Variants in ULK4 observed in about 807,000 individuals in gnomAD.
ULK4 encodes the protein unc-51 like kinase 4, also known as inactive serine/threonine-protein kinase ULK4.
ULK4 carries 133 observed loss-of-function variants against 160.6 expected under a neutral mutation model. The ratio of observed to expected loss-of-function variants is 0.83; its 90% CI spans 0.72 to 0.96. ULK4 has a LOEUF of 0.96. ULK4 is among the 40% of genes least tolerant of loss of function. ULK4 has a pLI of 0.00. For synonymous variants in ULK4, 534 were observed against 539.8 expected (o/e 0.99, Z 0.15); for missense variants, 1,580 against 1,499.5 (o/e 1.05, Z -0.89).
At chr3:41,362,879 A>C (rs2081175204) in intron 35 of ULK4, among the ~76,000 whole-genome samples, 2 of 152,230 alleles carry the variant, frequency 1.3e-5, no homozygotes, top group Non-Finnish European at 2.9e-5. Flanking sequence ...ACAGCTCAGA[A>C]GCTCAGGAGA....
At chr3:41,960,042 T>G (rs1700617150) in intron 1 of ULK4, among the ~76,000 whole-genome samples, 1 of 56,428 alleles carries the variant, frequency 1.8e-5, no homozygotes, top group Non-Finnish European at 5.2e-5. Flanking sequence ...AGTAAAATCT[T>G]GATTTTTTTT....
chr3:41,485,159 C>T lies in ULK4; in HGVS notation c.3227-21906G>A, dbSNP rs1575291444. Among the ~76,000 whole-genome samples, 5 of 152,258 alleles carry T rather than the reference C, an allele frequency of 3.3e-5. No individual in the cohort carries two copies. The South Asian group carries it at 1.0e-3, about 32-fold the overall frequency. On this transcript the variant is annotated intron_variant, in intron 32 of 36. Coordinates refer to ENST00000301831, the MANE Select transcript of ULK4 (RefSeq NM_017886.4). ...AGACTCAGGAGGTTAAGTAACTTTCCCAAGACCATGTGGCTCCATGGTCTG... is the reference window on the plus strand; with the variant it reads ...AGACTCAGGAGGTTAAGTAACTTTCTCAAGACCATGTGGCTCCATGGTCTG...
chr3:41,677,688 T>C (rs1246913844), intron 29 of ULK4, among the ~76,000 whole-genome samples: 1 of 152,182 alleles, frequency 6.6e-6, no homozygotes, highest in Non-Finnish European at 1.5e-5. Context: ...AATGATTCTT[T>C]GATATTAATT....
intron 32 of ULK4, among the ~76,000 whole-genome samples, chr3:41,555,104 A>G (rs558071485): frequency 4.6e-5 from 7 of 152,272 alleles, no homozygotes; most frequent in Non-Finnish European, 8.8e-5. Flanking sequence ...ATGAAGCACA[A>G]AGAATTAATA....
chr3:41,840,789 C>A (rs1343142725), intron 17 of ULK4, among the ~76,000 whole-genome samples: 1 of 152,152 alleles, frequency 6.6e-6, no homozygotes, highest in Non-Finnish European at 1.5e-5. Context: ...CTCTGCCCGG[C>A]TGCCACTCCA....
intron 21 of ULK4, among the ~76,000 whole-genome samples, chr3:41,781,646 A>G (rs1410806596): frequency 6.6e-6 from 1 of 152,344 alleles, no homozygotes; most frequent in African/African-American, 2.4e-5. Context: ...AAATGAAACA[A>G]AACTGGCCAT....
chr3:41,347,100 G>A (rs1364440156), intron 35 of ULK4, among the ~76,000 whole-genome samples: 1 of 151,972 alleles, frequency 6.6e-6, no homozygotes, highest in Non-Finnish European at 1.5e-5. Flanking sequence ...GGATTCATAA[G>A]TAAAGATTTA....
At chr3:41,550,200 G>T (rs6806684) in intron 32 of ULK4, among the ~76,000 whole-genome samples, 1 of 151,476 alleles carries the variant, frequency 6.6e-6, no homozygotes, top group Non-Finnish European at 1.5e-5. Context: ...TATTAACTAC[G>T]GTAAACAATA....
At chr3:41,267,685 GA>G (rs2079067432) in intron 35 of ULK4, among the ~76,000 whole-genome samples, 1 of 152,230 alleles carries the variant, frequency 6.6e-6, no homozygotes, top group African/African-American at 2.4e-5. Context: ...ATGACTCTTA[GA>G]GCCTAATTTG....
chr3:41,409,274 T>C (rs1031054293), intron 34 of ULK4, among the ~76,000 whole-genome samples: 5 of 151,998 alleles, frequency 3.3e-5, no homozygotes, highest in Non-Finnish European at 5.9e-5. Context: ...ACATAAATAA[T>C]GTATAAAACT....
intron 19 of ULK4, among the ~76,000 whole-genome samples, chr3:41,800,913 A>C (rs895824257): frequency 6.6e-6 from 1 of 152,188 alleles, no homozygotes; most frequent in African/African-American, 2.4e-5. Context: ...AAAAGCCCAG[A>C]AGTACTTACA....
In ULK4 at chr3:41,455,578, T is replaced by C. The variant is rs142834126; in HGVS notation, c.3411A>G (p.Ser1137=). 1,289 of 1,613,916 alleles carry C rather than the reference T, an allele frequency of 8.0e-4. 8 individuals carry two copies. The African/African-American group carries it at 0.016, about 19-fold the overall frequency. Residue 1137 remains serine, a synonymous_variant, in exon 34 of 37, where the codon TCA becomes TCG. Coordinates refer to ENST00000301831, the MANE Select transcript of ULK4 (RefSeq NM_017886.4). ...RLALQAQKSG[S]GEDPQAAEDL... is the part of the protein sequence containing the mutation. ...CTTCTGCAGCCTGAGGGTCCTCTCC[T>C]GAGCCAGACTTCTGGGCCTGGAACA... is the stretch of plus-strand genomic sequence containing the variant.
chr3:41,490,357 C>T (rs1000534256), intron 32 of ULK4, among the ~76,000 whole-genome samples: 10 of 152,214 alleles, frequency 6.6e-5, no homozygotes, highest in Admixed American at 2.6e-4. Context: ...CACAGACCCA[C>T]ACTTCCAGCC....
At chr3:41,572,422 C>A (rs1329016818) in intron 31 of ULK4, among the ~76,000 whole-genome samples, 1 of 152,054 alleles carries the variant, frequency 6.6e-6, no homozygotes, top group African/African-American at 2.4e-5. Context: ...CTGTCCCCTC[C>A]CCCCACCACT....
chr3:41,668,040 G>C (rs2035406734), intron 29 of ULK4, among the ~76,000 whole-genome samples: 1 of 152,212 alleles, frequency 6.6e-6, no homozygotes, highest in Admixed American at 6.5e-5. Flanking sequence ...AAAATATTCT[G>C]AGGTATGTGA....
chr3:41,893,385 T>C (rs1356423945), intron 16 of ULK4, among the ~76,000 whole-genome samples: 1 of 152,176 alleles, frequency 6.6e-6, no homozygotes, highest in Non-Finnish European at 1.5e-5. Context: ...CTGGCAAGGA[T>C]AAAAGGATAT....
At chr3:41,448,170 G>A (rs1280914048) in intron 34 of ULK4, among the ~76,000 whole-genome samples, 1 of 152,114 alleles carries the variant, frequency 6.6e-6, no homozygotes, top group Non-Finnish European at 1.5e-5. Context: ...TTAGTGGGAG[G>A]GACAGAGACA....
intron 21 of ULK4, among the ~76,000 whole-genome samples, chr3:41,769,311 C>T (rs1034636673): frequency 7.2e-5 from 11 of 152,146 alleles, no homozygotes; most frequent in African/African-American, 2.2e-4. Flanking sequence ...ATGTGTACCA[C>T]GCCTCTAGAA....
chr3:41,430,819 A>G (rs2082886709), intron 34 of ULK4, among the ~76,000 whole-genome samples: 1 of 152,166 alleles, frequency 6.6e-6, no homozygotes, highest in Non-Finnish European at 1.5e-5. Context: ...ACACTATTAA[A>G]TATCCACATT....
Sources: gnomAD v4.1 joint callset for allele counts (sites outside exome capture counted in the v4.1 genomes callset) on GRCh38, gnomAD v4.1.1 for gene constraint, MANE v1.5 for transcripts, NCBI Gene and HGNC (gene_info 2026-07-23, HGNC 2026-07-21) for gene names.